The following KIAA0586 variants were observed in gnomAD, a reference collection of about 807,000 sequenced individuals.
KIAA0586 encodes KIAA0586, also known as protein TALPID3.
KIAA0586 carries 144 observed loss-of-function variants against 169.8 expected under a neutral mutation model. The ratio of observed to expected loss-of-function variants is 0.85; its 90% CI spans 0.74 to 0.97. The LOEUF is 0.97. Ranked by LOEUF, KIAA0586 falls within the 50% of genes least tolerant of loss-of-function variation. The pLI is 0.00. For missense variants in KIAA0586, 1,854 were observed against 1,823.0 expected, an observed-to-expected ratio of 1.02 and a Z score of -0.31; for synonymous variants, 625 against 612.4, an observed-to-expected ratio of 1.02 and a Z score of -0.30.
intron 15 of KIAA0586, 24 bp downstream of exon 15, chr14:58,466,053 G>C (rs762264777): frequency 4.8e-6 from 7 of 1,471,924 alleles, no homozygotes; most frequent in Non-Finnish European, 6.6e-6. Context: ...AAATATGTGG[G>C]ATGGATTTTA....
At chr14:58,467,138 A>G (rs1259253774) in intron 15 of KIAA0586, among the ~76,000 whole-genome samples, 1 of 152,162 alleles carries the variant, frequency 6.6e-6, no homozygotes, top group Non-Finnish European at 1.5e-5. Flanking sequence ...GTTTAAACAT[A>G]TCTCCTAGTA....
intron 4 of KIAA0586, among the ~76,000 whole-genome samples, chr14:58,432,940 T>C (rs1003786549): frequency 6.6e-6 from 1 of 152,174 alleles, no homozygotes; most frequent in Non-Finnish European, 1.5e-5. Flanking sequence ...GGTCTTGAAC[T>C]CCTGGCCTCA....
intron 29 of KIAA0586, among the ~76,000 whole-genome samples, chr14:58,523,207 G>A (rs939784529): frequency 1.3e-5 from 2 of 151,982 alleles, no homozygotes; most frequent in Non-Finnish European, 1.5e-5. Context: ...TTTACTTGTT[G>A]GTACTAAAAG....
the KIAA0586 span, among the ~76,000 whole-genome samples, chr14:58,558,430 A>T: frequency 2.6e-5 from 4 of 152,204 alleles, no homozygotes; most frequent in Non-Finnish European, 5.9e-5. Context: ...AATTTCATTA[A>T]GAAATAATTG....
chr14:58,494,372 T>C (rs1262346093), intron 26 of KIAA0586, among the ~76,000 whole-genome samples: 1 of 150,648 alleles, frequency 6.6e-6, no homozygotes, highest in Non-Finnish European at 1.5e-5. Flanking sequence ...TCTTATCGCC[T>C]ACTCTGTGTC....
chr14:58,479,619 T>C (rs1008797827), intron 20 of KIAA0586, among the ~76,000 whole-genome samples: 3 of 152,012 alleles, frequency 2.0e-5, no homozygotes, highest in African/African-American at 7.2e-5. Flanking sequence ...TTAAGATAGT[T>C]TCCTATGTTT....
At chr14:58,490,112 A>G in intron 24 of KIAA0586, 52 bp from the exon 25 acceptor site, 2 of 863,272 alleles carry the variant, frequency 2.3e-6, no homozygotes, top group African/African-American at 3.6e-5. Flanking sequence ...CAGATTATTT[A>G]CTAAGTTTGT....
At chr14:58,490,555 T>C (rs2042771714) in intron 25 of KIAA0586, among the ~76,000 whole-genome samples, 1 of 152,176 alleles carries the variant, frequency 6.6e-6, no homozygotes, top group South Asian at 2.1e-4. Flanking sequence ...AAGCAGGATC[T>C]TACCTGTTTA....
At chr14:58,521,630 G>A (rs1242863980) in intron 29 of KIAA0586, 2 of 1,053,412 alleles carry the variant, frequency 1.9e-6, no homozygotes, top group African/African-American at 1.6e-5. Flanking sequence ...TTCCAAGTCT[G>A]GAAAGTTGAA....
the KIAA0586 span, among the ~76,000 whole-genome samples, chr14:58,557,635 G>A: frequency 6.6e-6 from 1 of 152,070 alleles, no homozygotes; most frequent in Admixed American, 6.5e-5. Context: ...ATTAATGCTA[G>A]GCAGGGAGAG....
chr14:58,521,524 A>T lies in KIAA0586; in HGVS notation c.4429+8897A>T. 4 of 782,000 alleles carry T rather than the reference A, an allele frequency of 5.1e-6. No homozygotes were observed. The South Asian group carries it at 5.3e-5, about 10-fold the overall frequency. 48.4% of individuals were successfully genotyped at this position (782,000 alleles called of 1,614,324 possible). A position where few individuals can be genotyped will look rare whatever the true frequency, so the allele number is the denominator to read the frequency against. On this transcript the variant is annotated intron_variant, in intron 29 of 30. Coordinates refer to ENST00000652326, the MANE Select transcript of KIAA0586 (RefSeq NM_001329943.3). Reference sequence around the variant, plus strand: ...CCCAGCACATGTTCCTCCTCCTCCTATTGCTCGGGCTGTAGTGCCCTCGAA... The same window carrying T: ...CCCAGCACATGTTCCTCCTCCTCCTTTTGCTCGGGCTGTAGTGCCCTCGAA...
At chr14:58,450,852 T>C (rs2039311227) in intron 8 of KIAA0586, 106 bp downstream of exon 8, 1 of 640,710 alleles carries the variant, frequency 1.6e-6, no homozygotes, top group Non-Finnish European at 2.7e-6. Context: ...TATTTTACTT[T>C]AAATGACCCT....
At chr14:58,429,313 C>A (rs1024224108) in intron 1 of KIAA0586, 50 bp from the exon 2 acceptor site, 2 of 1,118,376 alleles carry the variant, frequency 1.8e-6, no homozygotes, top group Non-Finnish European at 2.7e-6. Flanking sequence ...GTTTCTAAAG[C>A]TAAGGATCTG....
chr14:58,536,905 A>G (rs61974556), intron 29 of KIAA0586: 10 of 445,014 alleles, frequency 2.2e-5, no homozygotes, highest in Non-Finnish European at 2.4e-5. Context: ...TGCTCATTCA[A>G]AATTTCCATA....
intron 26 of KIAA0586, among the ~76,000 whole-genome samples, chr14:58,494,606 A>C (rs1393420563): frequency 1.3e-5 from 2 of 152,110 alleles, no homozygotes; most frequent in Admixed American, 1.3e-4. Context: ...CTTAGGCAGC[A>C]CAGAACCACC....
chr14:58,547,853 A>T lies in KIAA0586; in HGVS notation c.4568A>T (p.Asn1523Ile). ...ATGTCAGTGATGCTGCCGTCAGTGA[A>T]CCTCGAGGACTGCTCTCAGTCTCTG... ...AKMSVMLPSV[N>I]LEDCSQSLSL... The change falls in exon 31 of 31, where the codon AAC (asparagine) becomes ATC (isoleucine). Residue 1523 changes from asparagine to isoleucine, a missense_variant. Transcript: ENST00000652326. 1 of 1,613,604 alleles carries T rather than the reference A, an allele frequency of 6.2e-7. No homozygotes were observed. The highest frequency in any genetic ancestry group is 8.5e-7 in the Non-Finnish European group (1 of 1,179,698).
intron 27 of KIAA0586, among the ~76,000 whole-genome samples, chr14:58,505,466 T>A (rs1358502547): frequency 2.0e-5 from 3 of 152,202 alleles, no homozygotes; most frequent in Non-Finnish European, 4.4e-5. Flanking sequence ...TCCTCCTTAC[T>A]CCAGTGTATG....
rs968308137 is a variant in KIAA0586, at chr14:58,488,009, G to C, written c.3427G>C (p.Val1143Leu). Reference sequence around the variant, plus strand: ...AGATATTTCCATTGATAAATTGAAGGTATCAAGCCCAGAGCTTCCCAAGCC... The same window carrying C: ...AGATATTTCCATTGATAAATTGAAGCTATCAAGCCCAGAGCTTCCCAAGCC... ...LSDISIDKLK[V>L]SSPELPKPWG... The change falls in exon 23 of 31, where the codon GTA (valine) becomes CTA (leucine). Residue 1143 changes from valine (V) to leucine (L), a missense_variant. Physicochemically the swap from Val to Leu is conservative, Grantham distance 32. Transcript: ENST00000652326. The C allele has an allele frequency of 1.2e-6, 2 of 1,611,844 alleles. No homozygotes were observed. Among genetic ancestry groups the C allele is most frequent in the South Asian group, 1.1e-5 (1 of 90,548 alleles).
intron 27 of KIAA0586, among the ~76,000 whole-genome samples, chr14:58,501,594 T>C (rs1164817072): frequency 1.3e-5 from 1 of 74,430 alleles, no homozygotes; most frequent in Non-Finnish European, 2.6e-5. Flanking sequence ...TTTTTAATCT[T>C]AGGTACATTG....
Sources: allele counts gnomAD v4.1 joint callset (sites outside exome capture counted in the v4.1 genomes callset), GRCh38; gene constraint gnomAD v4.1.1; transcripts MANE v1.5; gene names NCBI Gene and HGNC (gene_info 2026-07-23, HGNC 2026-07-21).